The following PTPRM variants were observed in gnomAD, a reference collection of about 807,000 sequenced individuals.
PTPRM encodes receptor-type tyrosine-protein phosphatase mu.
PTPRM carries 47 observed loss-of-function variants against 186.7 expected under a neutral mutation model. That is an observed-to-expected ratio of 0.25 (90% CI 0.20 to 0.32). The LOEUF (loss-of-function observed/expected upper bound fraction) is 0.32, where lower values mean the gene tolerates loss of function less well. Among genes scored for constraint, PTPRM ranks in the 10% least tolerant of loss-of-function variants. The pLI, the probability that PTPRM is intolerant of heterozygous loss-of-function variation, is 1.00. For synonymous variants in PTPRM, 668 were observed against 674.9 expected, an observed-to-expected ratio of 0.99 and a Z score of 0.16; for missense variants, 1,494 against 1,865.0, an observed-to-expected ratio of 0.80 and a Z score of 3.66.
At chr18:8,292,311 A>C (rs953983117) in intron 19 of PTPRM, among the ~76,000 whole-genome samples, 1 of 152,244 alleles carries the variant, frequency 6.6e-6, no homozygotes, top group African/African-American at 2.4e-5. Flanking sequence ...TAGGAAAAAA[A>C]CATTTTTAAT....
chr18:7,822,008 G>A (rs188223465), intron 2 of PTPRM, among the ~76,000 whole-genome samples: 1 of 152,278 alleles, frequency 6.6e-6, no homozygotes, highest in African/African-American at 2.4e-5. Flanking sequence ...AGCAGATGAG[G>A]GAGGACTACT....
chr18:8,176,865 A>G (rs2093491089), intron 14 of PTPRM, among the ~76,000 whole-genome samples: 1 of 152,212 alleles, frequency 6.6e-6, no homozygotes, highest in South Asian at 2.1e-4. Context: ...GTTGGTGACT[A>G]ATATCCTTCA....
At position 7,568,097 on chromosome 18, in the gene PTPRM, G is replaced by T. The variant is rs2036473306; in HGVS notation, c.73+206G>T. On this transcript the variant is annotated intron_variant, in intron 1 of 32. Transcript: ENST00000580170. This position sits in a 1 kb window ranked among gnomAD's most constrained non-coding sequence, Gnocchi z 5.1. ...CAGGCACCCAGTCCTCGGGCGGGCG[G>T]AGCGGACGGACCCCGAGGGCGAGCT... Among the ~76,000 whole-genome samples, 1 of 151,938 alleles carries T rather than the reference G, an allele frequency of 6.6e-6. No individual in the cohort carries two copies. Among genetic ancestry groups the T allele is most frequent in the Non-Finnish European group, 1.5e-5 (1 of 67,960 alleles).
intron 7 of PTPRM, among the ~76,000 whole-genome samples, chr18:8,038,098 A>ATTCAATAAATCATTGAATG (rs1240279430): frequency 6.6e-6 from 1 of 152,152 alleles, no homozygotes; most frequent in Non-Finnish European, 1.5e-5. Flanking sequence ...TGAATGAATG[A>ATTCAATAAATCATTGAATG]AGATGTCTCC....
intron 2 of PTPRM, among the ~76,000 whole-genome samples, chr18:7,855,325 C>CCCG (rs1176288223): frequency 6.6e-6 from 1 of 152,160 alleles, no homozygotes; most frequent in Non-Finnish European, 1.5e-5. Context: ...CCAGCATGGG[C>CCCG]CTGTGGCTCA....
intron 1 of PTPRM, among the ~76,000 whole-genome samples, chr18:7,600,159 A>G (rs570493456): frequency 3.3e-5 from 5 of 152,216 alleles, no homozygotes; most frequent in African/African-American, 1.2e-4. Flanking sequence ...AGGGTAAGTT[A>G]TTTTATCTTT....
chr18:8,203,880 T>C (rs1316962056), intron 14 of PTPRM, among the ~76,000 whole-genome samples: 1 of 152,206 alleles, frequency 6.6e-6, no homozygotes, highest in Non-Finnish European at 1.5e-5. Context: ...ATTTTTCTTA[T>C]GCTCGGTCAG....
At chr18:8,238,856 C>T (rs1160169878) in intron 14 of PTPRM, among the ~76,000 whole-genome samples, 2 of 151,124 alleles carry the variant, frequency 1.3e-5, no homozygotes, top group Non-Finnish European at 2.9e-5. Context: ...TCTCATTATT[C>T]CTCTCCCCCA....
intron 19 of PTPRM, among the ~76,000 whole-genome samples, chr18:8,255,172 G>A (rs767206323): frequency 6.6e-6 from 1 of 152,156 alleles, no homozygotes; most frequent in East Asian, 1.9e-4. Context: ...ACAAAATTAG[G>A]TTATTGAAAA....
In PTPRM at chr18:7,951,586, C is replaced by G. The variant is rs370966036; in HGVS notation, c.838+2231C>G. On this transcript the variant is annotated intron_variant, in intron 6 of 32. Transcript: ENST00000580170. ...CTGTCTTATGGCAGTGTAGTAGTAT[C>G]TTGGCTCACTGTGATAAAAATTACC... Among the ~76,000 whole-genome samples, 37 of 152,258 alleles carry G rather than the reference C, an allele frequency of 2.4e-4. 1 individual carries two copies. The highest frequency in any genetic ancestry group is 8.7e-4 in the African/African-American group (36 of 41,556).
chr18:7,738,584 C>T (rs545153670), intron 1 of PTPRM, among the ~76,000 whole-genome samples: 69 of 150,758 alleles, frequency 4.6e-4, no homozygotes, highest in Middle Eastern at 3.4e-3. Flanking sequence ...TATAGGCGCC[C>T]GCCACCACAC....
intron 4 of PTPRM, among the ~76,000 whole-genome samples, chr18:7,923,313 G>T (rs1035031477): frequency 2.6e-5 from 4 of 152,188 alleles, no homozygotes; most frequent in Non-Finnish European, 5.9e-5. Flanking sequence ...CCAGCACCAG[G>T]GAGAGAACCT....
At position 8,247,886 on chromosome 18, in the gene PTPRM, C is replaced by T; in HGVS notation, c.2494C>T (p.Leu832=). The change falls in exon 16 of 33, where the codon CTG becomes TTG. Residue 832 remains leucine (L), a synonymous_variant. Coordinates refer to ENST00000580170, the MANE Select transcript of PTPRM (RefSeq NM_001105244.2). ...GTCCTTCACAATGAAAACAAATACACTGAGCACATCGGTGCCTAATTCCTA... is the reference window on the plus strand; with the variant it reads ...GTCCTTCACAATGAAAACAAATACATTGAGCACATCGGTGCCTAATTCCTA... ...PSSFTMKTNT[L]STSVPNSYYP... is the part of the protein sequence containing the mutation. 1.2e-6 allele frequency: 2 copies of T among 1,605,988 alleles called. No homozygotes were observed.
At chr18:7,736,496 C>T (rs1415825543) in intron 1 of PTPRM, among the ~76,000 whole-genome samples, 2 of 151,936 alleles carry the variant, frequency 1.3e-5, no homozygotes, top group African/African-American at 2.4e-5. Flanking sequence ...TCTCAGACAC[C>T]GAGTTGTAGA....
At chr18:8,030,828 A>C (rs2148056348) in intron 7 of PTPRM, among the ~76,000 whole-genome samples, 1 of 152,338 alleles carries the variant, frequency 6.6e-6, no homozygotes, top group African/African-American at 2.4e-5. Flanking sequence ...AACTTTTGAA[A>C]GATTCTTTAT....
intron 19 of PTPRM, among the ~76,000 whole-genome samples, chr18:8,256,199 G>A (rs1310892545): frequency 1.3e-5 from 2 of 152,084 alleles, no homozygotes; most frequent in Non-Finnish European, 2.9e-5. Context: ...TGTAGTGGGA[G>A]TCTCTGTGCT....
chr18:8,406,278 G>T lies in PTPRM; in HGVS notation c.*116G>T. The stretch of plus-strand genomic sequence containing the variant: ...TATGCTTATTTTGCTTTGCATAATT[G>T]GCTCTTTTTAAGAGCCCAAGAAAGT... On this transcript the variant is annotated 3_prime_UTR_variant, in exon 33 of 33. Coordinates refer to ENST00000580170, the MANE Select transcript of PTPRM (RefSeq NM_001105244.2). The T allele has an allele frequency of 1.9e-6, 2 of 1,041,918 alleles. No individual in the cohort carries two copies. Among genetic ancestry groups the T allele is most frequent in the Non-Finnish European group, 2.8e-6 (2 of 705,110 alleles). The allele number at this position is 1,041,918 out of a possible 1,614,324, so 64.5% of individuals were successfully genotyped here.
At chr18:8,382,557 C>T (rs1301187874) in intron 29 of PTPRM, among the ~76,000 whole-genome samples, 2 of 152,066 alleles carry the variant, frequency 1.3e-5, no homozygotes, top group East Asian at 3.8e-4. Context: ...CCAGGAAGTG[C>T]TGGTGAGGAA....
intron 11 of PTPRM, among the ~76,000 whole-genome samples, chr18:8,093,773 G>C (rs150225297): frequency 1.3e-5 from 2 of 152,022 alleles, no homozygotes; most frequent in Non-Finnish European, 2.9e-5. Flanking sequence ...CAAGCAAAAC[G>C]GTCTTCTGTT....
Sources: allele counts gnomAD v4.1 joint callset (sites outside exome capture counted in the v4.1 genomes callset), GRCh38; gene constraint gnomAD v4.1.1; non-coding constraint Gnocchi (gnomAD v3.1); transcripts MANE v1.5; gene names NCBI Gene and HGNC (gene_info 2026-07-23, HGNC 2026-07-21).